The following SLC35F5 variants were observed in gnomAD, a reference collection of about 807,000 sequenced individuals.
SLC35F5 encodes HCV NS5A-transactivated protein 3.
SLC35F5 carries 54 observed loss-of-function variants against 68.6 expected under a neutral mutation model. The ratio of observed to expected loss-of-function variants is 0.79; its 90% confidence interval spans 0.63 to 0.99. The LOEUF (loss-of-function observed/expected upper bound fraction) is 0.99. Ranked by LOEUF, SLC35F5 falls within the 50% of genes least tolerant of loss-of-function variation. The pLI, the probability that SLC35F5 is intolerant of heterozygous loss-of-function variation, is 0.00. For missense variants in SLC35F5, 567 were observed against 626.9 expected, an observed-to-expected ratio of 0.90 and a Z score of 1.02; for synonymous variants, 211 against 205.2, an observed-to-expected ratio of 1.03 and a Z score of -0.24.
chr2:113,739,406 C>T (rs1481134256), intron 7 of SLC35F5, among the ~76,000 whole-genome samples: 1 of 152,026 alleles, frequency 6.6e-6, no homozygotes, highest in Non-Finnish European at 1.5e-5. Context: ...TTGGTTGGAT[C>T]CAAGGAGGGA....
chr2:113,720,818 AAGAT>A (rs1687401792), intron 13 of SLC35F5, among the ~76,000 whole-genome samples: 2 of 152,194 alleles, frequency 1.3e-5, no homozygotes, highest in African/African-American at 2.4e-5. Flanking sequence ...AAACTTAATA[AAGAT>A]AGATAAAGCC....
At chr2:113,720,276 T>C (rs1226392829) in intron 13 of SLC35F5, among the ~76,000 whole-genome samples, 1 of 150,490 alleles carries the variant, frequency 6.6e-6, no homozygotes, top group African/African-American at 2.4e-5. Context: ...AAATAGTAAC[T>C]TCTATCTATA....
At chr2:113,705,420 C>T (rs1686776998), downstream of SLC35F5, 2 of 152,300 alleles carry the variant, frequency 1.3e-5, no homozygotes, top group African/African-American at 2.4e-5. Context: ...GGTGTGGTGG[C>T]GTGCGCCTGT....
intron 9 of SLC35F5, chr2:113,733,517 G>T (rs955221082): frequency 9.7e-6 from 2 of 205,818 alleles, no homozygotes; most frequent in Non-Finnish European, 2.2e-5. Context: ...GCAAAAATTT[G>T]CTCGGCTTAA....
intron 7 of SLC35F5, among the ~76,000 whole-genome samples, chr2:113,739,405 T>C (rs1197937740): frequency 2.0e-5 from 3 of 152,200 alleles, no homozygotes; most frequent in East Asian, 1.9e-4. Context: ...GTTGGTTGGA[T>C]CCAAGGAGGG....
rs2104994847 is a variant in SLC35F5 at position 113,725,404 on chromosome 2, T to C, written c.1224A>G (p.Thr408=). ...ACAACCACAGGAACTCTGAGAGTAC[T>C]GTTCCAATAAGGCCATTAATGATAA... ...MCIIINGLIG[T]VLSEFLWLWG... is the part of the protein sequence containing the mutation. Residue 408 remains threonine, a synonymous_variant, in exon 12 of 16, where the codon ACA becomes ACG. Transcript: ENST00000245680. 6.2e-7 allele frequency: 1 copy of C among 1,607,464 alleles called. No homozygotes were observed. The highest frequency in any genetic ancestry group is 8.5e-7 in the Non-Finnish European group (1 of 1,178,208).
intron 7 of SLC35F5, chr2:113,742,197 A>G (rs1676302677): frequency 6.5e-6 from 1 of 153,274 alleles, no homozygotes; most frequent in Non-Finnish European, 1.5e-5. Flanking sequence ...AAAAGAAACT[A>G]TAAATAATAC....
chr2:113,748,067 G>A (rs1676582745), intron 4 of SLC35F5, among the ~76,000 whole-genome samples: 1 of 152,116 alleles, frequency 6.6e-6, no homozygotes, highest in Admixed American at 6.6e-5. Context: ...ACTCTAGCCT[G>A]GACAAGAGAG....
In SLC35F5 at chr2:113,731,633, T is replaced by C; in HGVS notation, c.936A>G (p.Val312=). The C allele has an allele frequency of 1.2e-6, 2 of 1,613,018 alleles. No individual in the cohort carries two copies. Among genetic ancestry groups the C allele is most frequent in the East Asian group, 2.2e-5 (1 of 44,858 alleles). The change falls in exon 10 of 16, where the codon GTA becomes GTG. Residue 312 remains valine (V), a synonymous_variant. Transcript: ENST00000245680. ...LAVILSIGGV[V]LVNLAGSEKP... ...TTTCAGACCCTGCCAGGTTTACCAG[T>C]ACAACGCCTCCAATGCTATGAGAAT...
intron 5 of SLC35F5, among the ~76,000 whole-genome samples, chr2:113,745,552 T>C (rs1329648925): frequency 6.6e-6 from 1 of 152,136 alleles, no homozygotes. Context: ...TGGTGGAGTA[T>C]GCTTGTATTT....
At chr2:113,740,916 A>T (rs887773175) in intron 7 of SLC35F5, among the ~76,000 whole-genome samples, 2 of 152,136 alleles carry the variant, frequency 1.3e-5, no homozygotes, top group African/African-American at 4.8e-5. Flanking sequence ...TGAGCCACCC[A>T]GCCTGGCCAG....
intron 7 of SLC35F5, among the ~76,000 whole-genome samples, chr2:113,741,698 TTA>T (rs1559350305): frequency 7.6e-5 from 7 of 91,910 alleles, no homozygotes; most frequent in Admixed American, 1.0e-4. Context: ...CGAAACTCCA[TTA>T]AAAAAAAAAA....
Position 113,713,749 on chromosome 2 carries a change from TAAAAAAAAAAA to T in SLC35F5, c.*1458_*1468del, listed in dbSNP as rs879896652. 8 of 98,504 alleles carry T rather than the reference TAAAAAAAAAAA, an allele frequency of 8.1e-5. No homozygotes were observed. In the South Asian group the frequency reaches 2.6e-3, roughly 32 times the overall value. 6.1% of individuals were successfully genotyped at this position (98,504 alleles called of 1,614,324 possible). A position where few individuals can be genotyped will look rare whatever the true frequency, so the allele number is the denominator to read the frequency against. On this transcript the variant is annotated 3_prime_UTR_variant, in exon 16 of 16. Coordinates refer to ENST00000245680, the MANE Select transcript of SLC35F5 (RefSeq NM_025181.5). ...TTTTTGCCACTTTGGGCTGGATGAT[TAAAAAAAAAAA>T]AAAAAAAAAAGAGAGCTGTTTGTAT...
rs768456676 is a variant in SLC35F5, at chr2:113,731,665, C to T, written c.921-17G>A. The T allele has an allele frequency of 6.2e-7, 1 of 1,600,332 alleles. No individual in the cohort carries two copies. Among genetic ancestry groups the T allele is most frequent in the East Asian group, 2.2e-5 (1 of 44,780 alleles). On this transcript the variant is annotated splice_polypyrimidine_tract_variant and intron_variant, in intron 9 of 15. Coordinates refer to ENST00000245680, the MANE Select transcript of SLC35F5 (RefSeq NM_025181.5). ...CCTCCAATGCTATGAGAATAACAGT[C>T]ATTAATGATGAGCTAAAGAATTCTG...
chr2:113,721,466 CATT>C (rs1314244095), intron 13 of SLC35F5: 1 of 153,768 alleles, frequency 6.5e-6, no homozygotes, highest in African/African-American at 2.4e-5. Flanking sequence ...AAATTATAAC[CATT>C]ATTGTTTGTA....
At position 113,707,813 on chromosome 2, in the gene SLC35F5, G is replaced by A. The variant is rs1395784026; in HGVS notation, c.*7405C>T. Among the ~76,000 whole-genome samples, 1 of 151,988 alleles carries A rather than the reference G, an allele frequency of 6.6e-6. No homozygotes were observed. Among genetic ancestry groups the A allele is most frequent in the African/African-American group, 2.4e-5 (1 of 41,394 alleles). ...TAATCTCAGGTGATCCACCCGCCTC[G>A]GACTCCCAAAGTGCTGGGATTACAG... is the stretch of plus-strand genomic sequence containing the variant. On this transcript the variant is annotated 3_prime_UTR_variant, in exon 16 of 16. Coordinates refer to ENST00000245680, the MANE Select transcript of SLC35F5 (RefSeq NM_025181.5).
intron 10 of SLC35F5, 62 bp downstream of exon 10, chr2:113,731,522 G>A (rs937356420): frequency 6.1e-6 from 8 of 1,316,286 alleles, no homozygotes; most frequent in African/African-American, 1.4e-5. Flanking sequence ...CTGTGCACAT[G>A]AGCACGCACA....
rs1054938904 is a variant in SLC35F5, at chr2:113,709,065, T to C, written c.*6153A>G. Among the ~76,000 whole-genome samples the C allele has an allele frequency of 1.3e-5, 2 of 152,240 alleles. No individual in the cohort carries two copies. Among genetic ancestry groups the C allele is most frequent in the Non-Finnish European group, 2.9e-5 (2 of 68,044 alleles). On this transcript the variant is annotated 3_prime_UTR_variant, in exon 16 of 16. Transcript: ENST00000245680. ...TAAGGAGTCAAGATGCTGAACACCC[T>C]AACAAAAGCAAAAACAAAATTACGG...
rs1056646337 is a variant in SLC35F5 at position 113,714,506 on chromosome 2, A to G, written c.*712T>C. 5 of 152,160 alleles carry G rather than the reference A, an allele frequency of 3.3e-5. No individual in the cohort carries two copies. The highest frequency in any genetic ancestry group is 1.2e-4 in the African/African-American group (5 of 41,466). 9.4% of individuals were successfully genotyped at this position (152,160 alleles called of 1,614,324 possible). A position where few individuals can be genotyped will look rare whatever the true frequency, so the allele number is the denominator to read the frequency against. On this transcript the variant is annotated 3_prime_UTR_variant, in exon 16 of 16. Transcript: ENST00000245680. ...TTAAGTTTACAGCAATATAGCCTTT[A>G]GAAATACATATTTCTTCATTTTATA...
Sources: allele counts gnomAD v4.1 joint callset (sites outside exome capture counted in the v4.1 genomes callset), GRCh38; gene constraint gnomAD v4.1.1; transcripts MANE v1.5; gene names NCBI Gene and HGNC (gene_info 2026-07-23, HGNC 2026-07-21).